RYR1: variants seen among roughly 807,000 people sequenced by gnomAD.
RYR1 encodes ryanodine receptor 1, also known as central core disease of muscle.
A neutral mutation model predicts 583.5 loss-of-function variants in RYR1; 342 were observed. The observed-to-expected ratio is 0.59, with a 90% CI of 0.54 to 0.64. RYR1 has a LOEUF of 0.64. Ranked by LOEUF, RYR1 falls within the 30% of genes least tolerant of loss-of-function variation. The probability of loss-of-function intolerance (pLI) is 0.00; values close to 1 mark genes in which losing one functional copy is unlikely to be tolerated. For synonymous variants in RYR1, 2,791 were observed against 2,822.5 expected (o/e 0.99, Z 0.35); for missense variants, 6,032 against 6,917.2 (o/e 0.87, Z 4.54).
chr19:38,479,747 G>A (rs1184475603), intron 31 of RYR1, among the ~76,000 whole-genome samples: 3 of 149,486 alleles, frequency 2.0e-5, no homozygotes, highest in East Asian at 2.0e-4. Flanking sequence ...ACAGGGTTTC[G>A]CTCTGTTACC....
Position 38,532,682 on chromosome 19 carries a change from G to C in RYR1, c.11205G>C (p.Leu3735=). The change falls in exon 78 of 106, where the codon CTG becomes CTC. Residue 3735 remains leucine (L), a synonymous_variant. Coordinates refer to ENST00000359596, the MANE Select transcript of RYR1 (RefSeq NM_000540.3). ...TGCCCCCTCCCCAGAGCTGCCACCT[G>C]GAGGAGGGAGGGGAGAACGGTGAAG... ...YADIMAKSCH[L]EEGGENGEAE... 6.2e-7 allele frequency: 1 copy of C among 1,614,142 alleles called. No individual in the cohort carries two copies. The highest frequency in any genetic ancestry group is 8.5e-7 in the Non-Finnish European group (1 of 1,180,030).
intron 89 of RYR1, among the ~76,000 whole-genome samples, chr19:38,556,054 A>G (rs1568569949): frequency 6.6e-6 from 1 of 152,042 alleles, no homozygotes; most frequent in Non-Finnish European, 1.5e-5. Flanking sequence ...AGTAGAGACA[A>G]GGTTTCGCCA....
chr19:38,494,605 C>T lies in RYR1; in HGVS notation c.6528C>T (p.Asn2176=), dbSNP rs775643238. ...TGCAGATGGGCCCCCAGGAGGAGAA[C>T]CTCATGATCCAGAGCATCGGGTGAG... The part of the protein sequence containing the change: ...LIVQMGPQEE[N]LMIQSIGNIM... Residue 2176 remains asparagine (N), a synonymous_variant, in exon 39 of 106, where the codon AAC becomes AAT. Coordinates refer to ENST00000359596, the MANE Select transcript of RYR1 (RefSeq NM_000540.3). The T allele has an allele frequency of 1.9e-6, 3 of 1,613,984 alleles. No individual in the cohort carries two copies. The highest frequency in any genetic ancestry group is 2.5e-6 in the Non-Finnish European group (3 of 1,180,044).
intron 31 of RYR1, among the ~76,000 whole-genome samples, chr19:38,479,912 G>T (rs771778811): frequency 3.3e-5 from 5 of 151,090 alleles, no homozygotes; most frequent in Admixed American, 2.6e-4. Flanking sequence ...TGCAGACGGG[G>T]TCTCACTATG....
chr19:38,527,116 G>T (rs1971500725), intron 72 of RYR1, 64 bp downstream of exon 72: 1 of 1,569,232 alleles, frequency 6.4e-7, no homozygotes, highest in Non-Finnish European at 8.7e-7. Flanking sequence ...ATTAGTGAAG[G>T]TTTGAGCATT....
intron 76 of RYR1, among the ~76,000 whole-genome samples, chr19:38,530,073 A>C (rs1280232615): frequency 6.6e-6 from 1 of 151,816 alleles, no homozygotes; most frequent in Non-Finnish European, 1.5e-5. Flanking sequence ...TCCGCCTCCC[A>C]GGTTCAAGCA....
In RYR1 at chr19:38,578,157, G is replaced by C. The variant is rs754844157; in HGVS notation, c.14317G>C (p.Asp4773His). Residue 4773 changes from aspartate to histidine, a missense_variant, in exon 99 of 106, where the codon GAT becomes CAT. Physicochemically the swap from Asp to His is moderately conservative, Grantham distance 81. Coordinates refer to ENST00000359596, the MANE Select transcript of RYR1 (RefSeq NM_000540.3). The stretch of plus-strand genomic sequence containing the variant: ...CCGCCCCCACAGGCTCATGTCCATC[G>C]ATGTCAAGTACCAGATCTGGAAGTT... ...PGLLTWLMSI[D>H]VKYQIWKFGV... 6.2e-7 allele frequency: 1 copy of C among 1,613,464 alleles called. No homozygotes were observed. The highest frequency in any genetic ancestry group is 8.5e-7 in the Non-Finnish European group (1 of 1,179,708).
Position 38,502,552 on chromosome 19 carries a change from C to A in RYR1, c.7660C>A (p.Leu2554Met). The A allele has an allele frequency of 6.2e-7, 1 of 1,611,630 alleles. No homozygotes were observed. The highest frequency in any genetic ancestry group is 1.1e-5 in the South Asian group (1 of 91,022). Residue 2554 changes from leucine to methionine, a missense_variant, in exon 48 of 106, where the codon CTG becomes ATG. Leu to Met is a conservative substitution (Grantham distance 15). Transcript: ENST00000359596. ...GATGGCGCTGGCGCTGAACCGCTAC[C>A]TGTGCCTGGCCGTGCTGCCGCTCAT... The part of the protein sequence containing the change: ...TEMALALNRY[L>M]CLAVLPLITK...
intron 11 of RYR1, among the ~76,000 whole-genome samples, chr19:38,450,940 G>A (rs539520645): frequency 2.0e-5 from 3 of 152,296 alleles, no homozygotes; most frequent in East Asian, 1.9e-4. Context: ...GCTGCTTTCC[G>A]TTAGAAAGGA....
Position 38,483,412 on chromosome 19 carries a change from C to T in RYR1, c.4830C>T (p.His1610=), listed in dbSNP as rs1288265886. ...MPVSWSRMPN[H]FLQVETRRAG... ...TGTCCTGGAGCCGCATGCCCAACCA[C>T]TTCCTGCAGGTGGAGACGAGGCGTG... Residue 1610 remains histidine, a synonymous_variant, in exon 33 of 106, where the codon CAC becomes CAT. Coordinates refer to ENST00000359596, the MANE Select transcript of RYR1 (RefSeq NM_000540.3). The surrounding 1 kb of genome is among the most constrained non-coding windows in gnomAD (Gnocchi z 6.3). 6.3e-7 allele frequency: 1 copy of T among 1,575,988 alleles called. No individual in the cohort carries two copies. Among genetic ancestry groups the T allele is most frequent in the Non-Finnish European group, 8.6e-7 (1 of 1,162,348 alleles).
chr19:38,578,948 C>T (rs146998233), intron 99 of RYR1, among the ~76,000 whole-genome samples: 3 of 151,752 alleles, frequency 2.0e-5, no homozygotes, highest in African/African-American at 7.3e-5. Flanking sequence ...CGGTGAAACC[C>T]TGTCTCTACA....
chr19:38,570,609 C>G lies in RYR1; in HGVS notation c.13662C>G (p.Asn4554Lys). ...ELEVQRVKFL[N>K]YLSRNFYTLR... ...TCTCTTTTTCTCTTCTCTCTCAGAA[C>G]TACCTGTCCCGGAACTTTTACACCC... The change falls in exon 94 of 106, where the codon AAC (asparagine) becomes AAG (lysine). Residue 4554 changes from asparagine (N) to lysine (K), a missense_variant and splice_region_variant. Transcript: ENST00000359596. The G allele has an allele frequency of 6.2e-7, 1 of 1,613,416 alleles. No individual in the cohort carries two copies.
At chr19:38,537,838 C>T (rs1055244433) in intron 83 of RYR1, 42 bp from the exon 84 acceptor site, 1 of 1,575,198 alleles carries the variant, frequency 6.3e-7, no homozygotes, top group Non-Finnish European at 8.7e-7. Context: ...TGTCTTGGCG[C>T]ATCTGACCCC....
chr19:38,502,503 C>G lies in RYR1; in HGVS notation c.7615-4C>G. ...GGGCCTGATGTCCTCACCCTGCGCC[C>G]TAGGCCACTTTCAGCACCACCGAGA... On this transcript the variant is annotated splice_polypyrimidine_tract_variant and splice_region_variant and intron_variant, in intron 47 of 105. Transcript: ENST00000359596. 2 of 1,592,376 alleles carry G rather than the reference C, an allele frequency of 1.3e-6. No homozygotes were observed. The highest frequency in any genetic ancestry group is 1.7e-6 in the Non-Finnish European group (2 of 1,173,592).
At position 38,499,507 on chromosome 19, in the gene RYR1, T is replaced by C. The variant is rs546019315; in HGVS notation, c.7028-128T>C. The C allele has an allele frequency of 1.8e-6, 2 of 1,137,434 alleles. No homozygotes were observed. Among genetic ancestry groups the C allele is most frequent in the East Asian group, 2.6e-5 (1 of 38,966 alleles). 70.5% of individuals were successfully genotyped at this position (1,137,434 alleles called of 1,614,324 possible). A position where few individuals can be genotyped will look rare whatever the true frequency, so the allele number is the denominator to read the frequency against. Reference sequence around the variant, plus strand: ...GGGCTGGCAGGGGCCTGGTGTTACCTCTGGAGGTGTTGGGTCCTGGAGCTG... The same window carrying C: ...GGGCTGGCAGGGGCCTGGTGTTACCCCTGGAGGTGTTGGGTCCTGGAGCTG... On this transcript the variant is annotated intron_variant, in intron 43 of 105. Coordinates refer to ENST00000359596, the MANE Select transcript of RYR1 (RefSeq NM_000540.3). The surrounding 1 kb of genome is among the most constrained non-coding windows in gnomAD (Gnocchi z 7.3).
Position 38,502,808 on chromosome 19 carries a change from G to GGGAGGAGCAGGA in RYR1, c.7836-61_7836-60insAGGAGGAGCAGG. 3 of 1,081,618 alleles carry GGGAGGAGCAGGA rather than the reference G, an allele frequency of 2.8e-6. 1 individual carries two copies. The highest frequency in any genetic ancestry group is 3.4e-4 in the Middle Eastern group (1 of 2,980). 67.0% of individuals were successfully genotyped at this position (1,081,618 alleles called of 1,614,324 possible). ...GGGCAGGGGCAGGGGCAGGGGCAGGGGGAGGAGCAGGGGCAGGGGCAGCAG... is the reference window on the plus strand; with the variant it reads ...GGGCAGGGGCAGGGGCAGGGGCAGGGGGAGGAGCAGGAGGAGGAGCAGGGGCAGGGGCAGCAG... On this transcript the variant is annotated intron_variant, in intron 48 of 105. Transcript: ENST00000359596.
intron 65 of RYR1, 115 bp downstream of exon 65, chr19:38,516,332 A>T: frequency 1.5e-6 from 2 of 1,314,676 alleles, no homozygotes. Context: ...GCGGCTGAGG[A>T]TTCCCCAGGT....
rs1379041157 is a variant in RYR1, at chr19:38,477,061, GA to G, written c.4294-641del. Among the ~76,000 whole-genome samples the G allele has an allele frequency of 3.3e-5, 5 of 149,892 alleles. No individual in the cohort carries two copies. The South Asian group carries it at 6.3e-4, about 19-fold the overall frequency. ...AAATAAAAATAAAAAAATAAGGAAAGAAAAAAAAGAAGAAGAAGAAGGAAAG... is the reference window on the plus strand; with the variant it reads ...AAATAAAAATAAAAAAATAAGGAAAGAAAAAAAGAAGAAGAAGAAGGAAAG... On this transcript the variant is annotated intron_variant, in intron 29 of 105. Transcript: ENST00000359596.
rs757680152 is a variant in RYR1 at position 38,485,731 on chromosome 19, GC to G, written c.5077del (p.Leu1693CysfsTer79). 1 of 1,612,634 alleles carries G rather than the reference GC, an allele frequency of 6.2e-7. No individual in the cohort carries two copies. The highest frequency in any genetic ancestry group is 1.7e-5 in the Admixed American group (1 of 60,022). On this transcript the variant is annotated frameshift_variant, in exon 34 of 106. Coordinates refer to ENST00000359596, the MANE Select transcript of RYR1 (RefSeq NM_000540.3). LOFTEE classifies it high-confidence loss of function. ...TGTGCAGCCACGTAGACCAAGCTCA[GC>G]TGCTGCACGCCCTGGAGGACGCGCA... ...ALCSHVDQAQ[L>X]LHALEDAHLP...
Sources: gnomAD v4.1 joint callset for allele counts (sites outside exome capture counted in the v4.1 genomes callset) on GRCh38, gnomAD v4.1.1 for gene constraint, Gnocchi (gnomAD v3.1) non-coding constraint, MANE v1.5 for transcripts, NCBI Gene and HGNC (gene_info 2026-07-23, HGNC 2026-07-21) for gene names.